Variants in SSX5 observed in about 807,000 individuals in gnomAD.
The protein encoded by SSX5 is SSX family member 5.
A neutral mutation model predicts 14.9 loss-of-function variants in SSX5; 14 were observed. That is an observed-to-expected ratio of 0.94 (90% CI 0.62 to 1.47). The LOEUF (loss-of-function observed/expected upper bound fraction) is 1.47, where lower values mean the gene tolerates loss of function less well. Ranked by LOEUF, SSX5 falls within the 40% of genes most tolerant of loss-of-function variation. SSX5 has a pLI of 0.00. For missense variants in SSX5, 204 were observed against 154.6 expected (o/e 1.32, Z -1.70); for synonymous variants, 70 against 55.4 (o/e 1.26, Z -1.17).
chrX:48,191,299 G>C (rs2059419104), intron 5 of SSX5, among the ~76,000 whole-genome samples: 2 of 111,843 alleles, frequency 1.8e-5, no homozygotes, highest in African/African-American at 3.2e-5. Context: ...TGTAAACACT[G>C]TTTAAATGTA....
At chrX:48,189,927 C>T (rs1327403309) in intron 6 of SSX5, among the ~76,000 whole-genome samples, 1 of 111,753 alleles carries the variant, frequency 8.9e-6, no homozygotes, top group African/African-American at 3.3e-5. Context: ...GGAAGACTTG[C>T]CCCAAGTCAC....
chrX:48,195,417 C>G lies in SSX5; in HGVS notation c.-20-39G>C. The G allele has an allele frequency of 2.6e-6, 3 of 1,158,024 alleles. No individual in the cohort carries two copies. The South Asian group carries it at 5.7e-5, about 22-fold the overall frequency. Reference sequence around the variant, plus strand: ...AGTCTGAGTCTTTCCAGCTGCAGGACCTTTGGTCCCATGGAGGGAGAAATC... The same window carrying G: ...AGTCTGAGTCTTTCCAGCTGCAGGAGCTTTGGTCCCATGGAGGGAGAAATC... On this transcript the variant is annotated intron_variant, in intron 1 of 7. Coordinates refer to ENST00000347757, the MANE Select transcript of SSX5 (RefSeq NM_175723.2).
chrX:48,195,297 A>G lies in SSX5; in HGVS notation c.62T>C (p.Met21Thr). 1 of 1,211,379 alleles carries G rather than the reference A, an allele frequency of 8.3e-7. No homozygotes were observed. Residue 21 changes from methionine to threonine, a missense_variant, in exon 2 of 8, where the codon ATG becomes ACG. By Grantham distance (81) the Met-to-Thr change is moderately conservative. Coordinates refer to ENST00000347757, the MANE Select transcript of SSX5 (RefSeq NM_175723.2). ...PRVGSQIPEK[M>T]QKAFDDIAKY... ...CCCTGCAGGTCACCTCACCTTTTGC[A>G]TCTTCTCTGGTATTTGAGAACCAAC...
At position 48,195,366 on chromosome X, in the gene SSX5, G is replaced by T. The variant is rs782142959; in HGVS notation, c.-8C>A. The T allele has an allele frequency of 2.5e-6, 3 of 1,208,776 alleles. No homozygotes were observed. The Admixed American group carries it at 6.6e-5, about 26-fold the overall frequency. ...GGCATCGTCTCCGTTCATGGCACCG[G>T]GAGCACTCTGTCCTACAAGAGAAAC... On this transcript the variant is annotated 5_prime_UTR_variant, in exon 2 of 8. Transcript: ENST00000347757.
chrX:48,187,160 G>T (rs1482281702), intron 7 of SSX5, among the ~76,000 whole-genome samples: 3 of 111,974 alleles, frequency 2.7e-5, no homozygotes, highest in Non-Finnish European at 5.6e-5. Context: ...GCAGGGAGTA[G>T]AAAGAGCATG....
At position 48,186,395 on chromosome X, in the gene SSX5, TGTGTGTGTGC is replaced by T. The variant is rs1325544663; in HGVS notation, c.*456_*465del. 19 of 237,955 alleles carry T rather than the reference TGTGTGTGTGC, an allele frequency of 8.0e-5. No individual in the cohort carries two copies. The East Asian group carries it at 8.8e-4, about 11-fold the overall frequency. The allele number at this position is 237,955 out of a possible 1,213,427, so 19.6% of individuals were successfully genotyped here. A position where few individuals can be genotyped will look rare whatever the true frequency, so the allele number is the denominator to read the frequency against. ...GTGTGTGTGTGTGTGTGTGTGTGTG[TGTGTGTGTGC>T]GCGCGCGCGCGCATGTGTGTCTGTG... is the stretch of plus-strand genomic sequence containing the variant. On this transcript the variant is annotated 3_prime_UTR_variant, in exon 8 of 8. Transcript: ENST00000347757.
chrX:48,188,437 A>G (rs2059407308), intron 6 of SSX5, among the ~76,000 whole-genome samples: 1 of 112,294 alleles, frequency 8.9e-6, no homozygotes, highest in Non-Finnish European at 1.9e-5. Flanking sequence ...TTAAGTTATT[A>G]TTGACTATAA....
chrX:48,194,963 C>T, intron 2 of SSX5, 109 bp from the exon 3 acceptor site: 1 of 1,211,056 alleles, frequency 8.3e-7, no homozygotes, highest in Non-Finnish European at 1.1e-6. Context: ...GATAATCCGT[C>T]CTGGTTGATG....
In SSX5 at chrX:48,192,246, C is replaced by T. The variant is rs782656154; in HGVS notation, c.316G>A (p.Gly106Arg). Reference sequence around the variant, plus strand: ...GAGACACTCACCTTCGGGAAGATTCCCTGGAGCCTGCCGAAAGTCATCTGA... The same window carrying T: ...GAGACACTCACCTTCGGGAAGATTCTCTGGAGCCTGCCGAAAGTCATCTGA... The part of the protein sequence containing the change: ...HPQMTFGRLQ[G>R]IFPKITPEKP... The change falls in exon 5 of 8, where the codon GGA becomes AGA. Residue 106 changes from glycine (G) to arginine (R), a missense_variant. Coordinates refer to ENST00000347757, the MANE Select transcript of SSX5 (RefSeq NM_175723.2). 173 of 1,209,655 alleles carry T rather than the reference C, an allele frequency of 1.4e-4. No individual in the cohort carries two copies. In the African/African-American group the frequency reaches 2.3e-3, roughly 16 times the overall value.
intron 4 of SSX5, among the ~76,000 whole-genome samples, chrX:48,193,147 T>C (rs1556925112): frequency 8.9e-6 from 1 of 111,964 alleles, no homozygotes. Context: ...GCAGTGCTTA[T>C]TACATAATGT....
intron 6 of SSX5, among the ~76,000 whole-genome samples, chrX:48,189,716 A>G: frequency 8.9e-6 from 1 of 112,092 alleles, no homozygotes; most frequent in South Asian, 3.7e-4. Flanking sequence ...CTGAACATGC[A>G]ATATCTCTGA....
chrX:48,189,318 G>T (rs868921297), intron 6 of SSX5, among the ~76,000 whole-genome samples: 2 of 112,142 alleles, frequency 1.8e-5, no homozygotes, highest in African/African-American at 6.5e-5. Flanking sequence ...TTCTACTGTG[G>T]GTAAAATGCT....
intron 4 of SSX5, among the ~76,000 whole-genome samples, chrX:48,192,936 C>G (rs1264178372): frequency 2.7e-5 from 3 of 111,918 alleles, no homozygotes; most frequent in African/African-American, 6.5e-5. Context: ...CCCTTTATAT[C>G]CCTGAAATGT....
chrX:48,192,914 A>G (rs1299736393), intron 4 of SSX5, among the ~76,000 whole-genome samples: 2 of 112,147 alleles, frequency 1.8e-5, no homozygotes, highest in African/African-American at 3.2e-5. Flanking sequence ...AGAGCAAGTA[A>G]ACACATATGT....
At position 48,195,324 on chromosome X, in the gene SSX5, C is replaced by G; in HGVS notation, c.35G>C (p.Arg12Thr). ...CTTCTCTGGTATTTGAGAACCAACC[C>G]TAGGTCTCCGTACAAAGGCATCGTC... The part of the protein sequence containing the change: ...NGDDAFVRRP[R>T]VGSQIPEKMQ... The change falls in exon 2 of 8, where the codon AGG (arginine) becomes ACG (threonine). Residue 12 changes from arginine (R) to threonine (T), a missense_variant. Coordinates refer to ENST00000347757, the MANE Select transcript of SSX5 (RefSeq NM_175723.2). 1 of 1,211,889 alleles carries G rather than the reference C, an allele frequency of 8.3e-7. No individual in the cohort carries two copies. Among genetic ancestry groups the G allele is most frequent in the Non-Finnish European group, 1.1e-6 (1 of 895,535 alleles).
At chrX:48,190,861 A>G (rs188006165) in intron 5 of SSX5, among the ~76,000 whole-genome samples, 1 of 111,268 alleles carries the variant, frequency 9.0e-6, no homozygotes, top group South Asian at 3.8e-4. Context: ...GGTACCCATA[A>G]CAATTCTGGT....
At chrX:48,193,240 A>G (rs1193600650) in intron 4 of SSX5, among the ~76,000 whole-genome samples, 1 of 99,728 alleles carries the variant, frequency 1.0e-5, no homozygotes, top group African/African-American at 3.4e-5. Context: ...TGGCGGATCT[A>G]CAGTTGTAAC....
At chrX:48,193,807 C>A (rs181766154) in intron 4 of SSX5, among the ~76,000 whole-genome samples, 196 of 109,704 alleles carry the variant, frequency 1.8e-3, no homozygotes, top group African/African-American at 5.8e-3. Context: ...CTGTCTGTGC[C>A]GCACTCAGCA....
chrX:48,192,160 C>T, intron 5 of SSX5, 72 bp downstream of exon 5: 2 of 1,198,543 alleles, frequency 1.7e-6, no homozygotes, highest in East Asian at 5.9e-5. Flanking sequence ...TTGATATTCT[C>T]CCACTCTTAC....
Sources: gnomAD v4.1 joint callset for allele counts (sites outside exome capture counted in the v4.1 genomes callset) on GRCh38, gnomAD v4.1.1 for gene constraint, MANE v1.5 for transcripts, NCBI Gene and HGNC (gene_info 2026-07-23, HGNC 2026-07-21) for gene names.